The following AMOTL1 variants were observed in gnomAD, a reference collection of about 807,000 sequenced individuals.
The protein encoded by AMOTL1 is angiomotin like 1, also known as angiomotin-like protein 1.
AMOTL1 carries 45 observed loss-of-function variants against 102.9 expected under a neutral mutation model. That is an observed-to-expected ratio of 0.44 (90% CI 0.34 to 0.56). AMOTL1 has a LOEUF of 0.56. Among genes scored for constraint, AMOTL1 ranks in the 20% least tolerant of loss-of-function variants. The pLI, the probability that AMOTL1 is intolerant of heterozygous loss-of-function variation, is 0.01. For missense variants in AMOTL1, 1,114 were observed against 1,225.6 expected (o/e 0.91, Z 1.36); for synonymous variants, 481 against 484.7 (o/e 0.99, Z 0.10).
chr11:94,865,867 A>C, intron 10 of AMOTL1, 75 bp from the exon 11 acceptor site: 1 of 1,275,236 alleles, frequency 7.8e-7, no homozygotes, highest in Non-Finnish European at 1.1e-6. Context: ...AGTCTTTGGG[A>C]CAGCCTGAGA....
At position 94,819,805 on chromosome 11, in the gene AMOTL1, C is replaced by G. The variant is rs188624894; in HGVS notation, c.1122-1725C>G. On this transcript the variant is annotated intron_variant, in intron 3 of 12. Coordinates refer to ENST00000433060, the MANE Select transcript of AMOTL1 (RefSeq NM_130847.3). The stretch of plus-strand genomic sequence containing the variant: ...ACTTTCTAAATTGATTGAGATCTGT[C>G]TCAGATACTTTTTGGTTCATACCCT... Among the ~76,000 whole-genome samples, 11 of 152,292 alleles carry G rather than the reference C, an allele frequency of 7.2e-5. No homozygotes were observed. The East Asian group carries it at 2.1e-3, about 29-fold the overall frequency.
intron 1 of AMOTL1, among the ~76,000 whole-genome samples, chr11:94,718,988 A>G (rs1950135352): frequency 1.3e-5 from 2 of 151,958 alleles, no homozygotes; most frequent in Non-Finnish European, 2.9e-5. Context: ...GTCCTCTAAC[A>G]TGCTTAGTTT....
rs527245472 is a variant in AMOTL1, at chr11:94,734,765, A to G, written c.85+5710A>G. 9.2e-5 allele frequency among the ~76,000 whole-genome samples: 14 copies of G among 152,306 alleles called. No individual in the cohort carries two copies. In the South Asian group the frequency reaches 2.9e-3, roughly 32 times the overall value. ...GGCTACCTGCAGAGAAGATGATCAA[A>G]GGGCAATACCAGGAAGGAGAGGAAG... is the stretch of plus-strand genomic sequence containing the variant. On this transcript the variant is annotated intron_variant, in intron 2 of 4. Coordinates refer to the AMOTL1 transcript ENST00000299004.
chr11:94,759,075 T>C (rs995028409), intron 3 of AMOTL1, among the ~76,000 whole-genome samples: 19 of 152,246 alleles, frequency 1.2e-4, no homozygotes, highest in Admixed American at 1.2e-3. Flanking sequence ...TGAAAATGAC[T>C]TAAAATGTTT....
intron 3 of AMOTL1, among the ~76,000 whole-genome samples, chr11:94,746,030 C>T (rs1950585974): frequency 6.6e-6 from 1 of 151,932 alleles, no homozygotes; most frequent in African/African-American, 2.4e-5. Context: ...ATAGTCCATT[C>T]CACCTTTGAA....
intron 1 of AMOTL1, among the ~76,000 whole-genome samples, chr11:94,774,154 G>T (rs531136196): frequency 6.6e-6 from 1 of 152,248 alleles, no homozygotes; most frequent in Admixed American, 6.5e-5. Context: ...ACGTAAATTC[G>T]CATGTATCCG....
chr11:94,866,395 A>G (rs1244482772), intron 11 of AMOTL1: 2 of 560,932 alleles, frequency 3.6e-6, no homozygotes, highest in Non-Finnish European at 6.4e-6. Flanking sequence ...GTTGACTCAG[A>G]TCAGAATTAT....
chr11:94,853,103 CA>C (rs758140199), intron 7 of AMOTL1, among the ~76,000 whole-genome samples: 7 of 151,950 alleles, frequency 4.6e-5, no homozygotes, highest in Non-Finnish European at 7.4e-5. Flanking sequence ...TTCATGATGT[CA>C]AAAACTCTTT....
At chr11:94,844,253 A>G (rs1298736859) in intron 6 of AMOTL1, among the ~76,000 whole-genome samples, 1 of 152,114 alleles carries the variant, frequency 6.6e-6, no homozygotes, top group Non-Finnish European at 1.5e-5. Context: ...ATGTGTCACT[A>G]TGGGAGCATT....
chr11:94,782,683 T>C (rs1157116666), intron 1 of AMOTL1, among the ~76,000 whole-genome samples: 1 of 152,226 alleles, frequency 6.6e-6, no homozygotes, highest in Non-Finnish European at 1.5e-5. Context: ...TTGGTGTGGT[T>C]TCACAGAATA....
intron 3 of AMOTL1, among the ~76,000 whole-genome samples, chr11:94,751,778 G>GCACA (rs71036341): frequency 0.091 from 13,277 of 146,676 alleles, 1,169 homozygotes; most frequent in East Asian, 0.27. Context: ...CATTCACACA[G>GCACA]CACACACACA....
chr11:94,874,635 G>A lies in AMOTL1; in HGVS notation c.*3840G>A, dbSNP rs1036651283. Reference sequence around the variant, plus strand: ...GAGCAGCCAGTCATTACTCTTGTTTGTTCTCACCTGGGTGCGCACCCTCAT... The same window carrying A: ...GAGCAGCCAGTCATTACTCTTGTTTATTCTCACCTGGGTGCGCACCCTCAT... On this transcript the variant is annotated 3_prime_UTR_variant, in exon 13 of 13. Coordinates refer to ENST00000433060, the MANE Select transcript of AMOTL1 (RefSeq NM_130847.3). 8.5e-5 allele frequency: 13 copies of A among 152,234 alleles called. No individual in the cohort carries two copies. The highest frequency in any genetic ancestry group is 1.5e-4 in the Non-Finnish European group (10 of 68,070). The allele number at this position is 152,234 out of a possible 1,614,324, so 9.4% of individuals were successfully genotyped here.
intron 1 of AMOTL1, among the ~76,000 whole-genome samples, chr11:94,710,871 T>G (rs905164210): frequency 4.6e-5 from 7 of 152,210 alleles, no homozygotes; most frequent in Non-Finnish European, 1.0e-4. Flanking sequence ...TTGTGAGTCC[T>G]GTTCTTACCT....
intron 1 of AMOTL1, among the ~76,000 whole-genome samples, chr11:94,779,531 A>C (rs1951075869): frequency 6.6e-6 from 1 of 152,174 alleles, no homozygotes; most frequent in African/African-American, 2.4e-5. Context: ...ATTAGTATAA[A>C]ATGCATTTAT....
At chr11:94,858,547 C>T (rs942686176) in intron 8 of AMOTL1, among the ~76,000 whole-genome samples, 2 of 152,152 alleles carry the variant, frequency 1.3e-5, no homozygotes, top group Non-Finnish European at 2.9e-5. Context: ...ATTCATGTGC[C>T]TCTCACCTTG....
intron 10 of AMOTL1, 139 bp downstream of exon 10, chr11:94,864,999 A>G (rs1408674644): frequency 1.6e-6 from 2 of 1,260,862 alleles, no homozygotes; most frequent in Non-Finnish European, 2.1e-6. Flanking sequence ...ATGCTGTGCC[A>G]TGGAGAGAAG....
chr11:94,758,892 G>A (rs1258053780), intron 3 of AMOTL1, among the ~76,000 whole-genome samples: 2 of 152,092 alleles, frequency 1.3e-5, no homozygotes, highest in Non-Finnish European at 2.9e-5. Flanking sequence ...GCTGCTCTCT[G>A]AATTGATTTT....
chr11:94,867,809 T>C (rs1952912833), intron 11 of AMOTL1, among the ~76,000 whole-genome samples: 1 of 152,228 alleles, frequency 6.6e-6, no homozygotes, highest in Non-Finnish European at 1.5e-5. Flanking sequence ...CTGCAGACTC[T>C]GGAGTTTCCA....
At position 94,871,029 on chromosome 11, in the gene AMOTL1, A is replaced by G; in HGVS notation, c.*234A>G. 2.5e-6 allele frequency: 1 copy of G among 401,588 alleles called. No homozygotes were observed. The highest frequency in any genetic ancestry group is 3.7e-5 in the East Asian group (1 of 27,034). The allele number at this position is 401,588 out of a possible 1,614,324, so 24.9% of individuals were successfully genotyped here. On this transcript the variant is annotated 3_prime_UTR_variant, in exon 13 of 13. Transcript: ENST00000433060. ...ATGGTGGAAGAGAGAAGAGGCGTGT[A>G]GGTTTGCAAACAAAGTTAAGAAATA...
Sources: allele counts gnomAD v4.1 joint callset (sites outside exome capture counted in the v4.1 genomes callset), GRCh38; gene constraint gnomAD v4.1.1; transcripts MANE v1.5; gene names NCBI Gene and HGNC (gene_info 2026-07-23, HGNC 2026-07-21).